Variants in PRKCA observed in about 807,000 individuals in gnomAD.
PRKCA encodes protein kinase C alpha type.
PRKCA carries 27 observed loss-of-function variants against 87.0 expected under a neutral mutation model. The observed-to-expected ratio is 0.31, with a 90% CI of 0.23 to 0.43. The LOEUF (loss-of-function observed/expected upper bound fraction) is 0.43. PRKCA is among the 20% of genes least tolerant of loss of function. The pLI, the probability that PRKCA is intolerant of heterozygous loss-of-function variation, is 1.00. For missense variants in PRKCA, 518 were observed against 852.3 expected (o/e 0.61, Z 4.88); for synonymous variants, 329 against 311.1 (o/e 1.06, Z -0.61).
chr17:66,338,340 C>T (rs1012124972), intron 2 of PRKCA, among the ~76,000 whole-genome samples: 1 of 152,072 alleles, frequency 6.6e-6, no homozygotes, highest in African/African-American at 2.4e-5. Context: ...CCTCTTTTGA[C>T]TTACTGTGCA....
chr17:66,373,168 GT>G (rs1168218501), intron 2 of PRKCA, among the ~76,000 whole-genome samples: 1 of 152,156 alleles, frequency 6.6e-6, no homozygotes, highest in Non-Finnish European at 1.5e-5. Context: ...ATGAAAAGAT[GT>G]TTGATAATCA....
intron 4 of PRKCA, 74 bp downstream of exon 4, chr17:66,641,540 C>T: frequency 9.2e-7 from 1 of 1,082,018 alleles, no homozygotes; most frequent in Non-Finnish European, 1.4e-6. Flanking sequence ...GCAAGGAAGG[C>T]TCAGTAACTT....
intron 2 of PRKCA, among the ~76,000 whole-genome samples, chr17:66,468,180 G>A (rs1048144674): frequency 6.6e-6 from 1 of 152,224 alleles, no homozygotes; most frequent in Non-Finnish European, 1.5e-5. Context: ...TTAAAGAAAT[G>A]AAAACTACAG....
chr17:66,684,671 A>AT (rs1469324872), intron 5 of PRKCA, among the ~76,000 whole-genome samples: 2 of 152,084 alleles, frequency 1.3e-5, no homozygotes, highest in Non-Finnish European at 2.9e-5. Flanking sequence ...TACTTAAATG[A>AT]TTTTTTTTGT....
chr17:66,673,409 A>G (rs1404313605), intron 5 of PRKCA, among the ~76,000 whole-genome samples: 1 of 152,200 alleles, frequency 6.6e-6, no homozygotes, highest in Non-Finnish European at 1.5e-5. Flanking sequence ...GGTTCCAAAT[A>G]AGAAAATGGT....
chr17:66,705,519 T>C (rs1482024614), intron 8 of PRKCA, among the ~76,000 whole-genome samples: 2 of 152,262 alleles, frequency 1.3e-5, no homozygotes, highest in Non-Finnish European at 2.9e-5. Flanking sequence ...ATTCTAGTTG[T>C]CTGTCTAATG....
At chr17:66,480,566 C>T (rs187730766) in intron 2 of PRKCA, among the ~76,000 whole-genome samples, 1 of 152,238 alleles carries the variant, frequency 6.6e-6, no homozygotes, top group Admixed American at 6.5e-5. Flanking sequence ...TTAAAAATTG[C>T]CACTGCATTA....
chr17:66,777,086 C>T, intron 14 of PRKCA: 4 of 356,936 alleles, frequency 1.1e-5, no homozygotes, highest in Non-Finnish European at 1.6e-5. Flanking sequence ...CTGGCTGCGA[C>T]CAATTATTAT....
chr17:66,614,291 G>T (rs1385812189), intron 3 of PRKCA, among the ~76,000 whole-genome samples: 1 of 152,072 alleles, frequency 6.6e-6, no homozygotes. Flanking sequence ...ACAAGATAAC[G>T]ACATCTCACA....
chr17:66,413,117 T>C (rs551735988), intron 2 of PRKCA, among the ~76,000 whole-genome samples: 2 of 152,322 alleles, frequency 1.3e-5, no homozygotes, highest in Non-Finnish European at 2.9e-5. Flanking sequence ...ACTGCTTCTC[T>C]CCTCAGATGC....
chr17:66,735,564 G>A lies in PRKCA; in HGVS notation c.1132G>A (p.Asp378Asn), dbSNP rs1417568507. 16 of 1,614,180 alleles carry A rather than the reference G, an allele frequency of 9.9e-6. No individual in the cohort carries two copies. The highest frequency in any genetic ancestry group is 1.3e-5 in the Non-Finnish European group (15 of 1,180,036). ...CCTGAAGAAGGATGTGGTGATTCAG[G>A]ATGATGACGTGGAGTGCACCATGGT... ...KILKKDVVIQ[D>N]DDVECTMVEK... The change falls in exon 10 of 17, where the codon GAT (aspartate) becomes AAT (asparagine). Residue 378 changes from aspartate (D) to asparagine (N), a missense_variant. Around this residue, in one of 5 missense-constraint regions of PRKCA, gnomAD observed 300 missense variants for 496.8 expected, o/e 0.60. Coordinates refer to ENST00000413366, the MANE Select transcript of PRKCA (RefSeq NM_002737.3).
intron 2 of PRKCA, among the ~76,000 whole-genome samples, chr17:66,371,403 A>G (rs551196036): frequency 7.7e-4 from 117 of 152,160 alleles, no homozygotes; most frequent in Non-Finnish European, 1.2e-3. Flanking sequence ...GACTCATTCA[A>G]AATGATCTTC....
At chr17:66,371,136 C>T (rs1909084453) in intron 2 of PRKCA, among the ~76,000 whole-genome samples, 1 of 152,180 alleles carries the variant, frequency 6.6e-6, no homozygotes, top group African/African-American at 2.4e-5. Flanking sequence ...CAAGTTCCCC[C>T]ATCTTTGGCC....
At chr17:66,462,721 C>A (rs910453068) in intron 2 of PRKCA, among the ~76,000 whole-genome samples, 3 of 152,104 alleles carry the variant, frequency 2.0e-5, no homozygotes, top group Non-Finnish European at 4.4e-5. Context: ...AACACGAACA[C>A]CCCTACCTCC....
chr17:66,662,314 A>T (rs1428239015), intron 5 of PRKCA, among the ~76,000 whole-genome samples: 2 of 152,198 alleles, frequency 1.3e-5, no homozygotes, highest in Non-Finnish European at 2.9e-5. Flanking sequence ...CATCCTGTGC[A>T]CAGACCTTGA....
At chr17:66,518,254 A>T (rs1967035708) in intron 3 of PRKCA, among the ~76,000 whole-genome samples, 1 of 152,196 alleles carries the variant, frequency 6.6e-6, no homozygotes, top group Non-Finnish European at 1.5e-5. Flanking sequence ...GAGGTTGATG[A>T]TGAGCACAGT....
At chr17:66,319,210 A>G (rs1306043845) in intron 2 of PRKCA, among the ~76,000 whole-genome samples, 1 of 152,148 alleles carries the variant, frequency 6.6e-6, no homozygotes, top group South Asian at 2.1e-4. Flanking sequence ...TTGTGGAAGG[A>G]TAATTTAGAG....
At chr17:66,700,402 G>T (rs907782080) in intron 8 of PRKCA, among the ~76,000 whole-genome samples, 3 of 152,138 alleles carry the variant, frequency 2.0e-5, no homozygotes, top group Non-Finnish European at 4.4e-5. Context: ...ACAAAATGAG[G>T]ATGCCCATTC....
At chr17:66,757,764 C>T (rs1169827502) in intron 13 of PRKCA, among the ~76,000 whole-genome samples, 4 of 151,988 alleles carry the variant, frequency 2.6e-5, no homozygotes, top group African/African-American at 9.7e-5. Flanking sequence ...TTGCTCTGTC[C>T]CCCAGGCTGG....
Sources: gnomAD v4.1 joint callset for allele counts (sites outside exome capture counted in the v4.1 genomes callset) on GRCh38, gnomAD v4.1.1 for gene constraint, gnomAD v4.1.1 regional missense constraint, MANE v1.5 for transcripts, NCBI Gene and HGNC (gene_info 2026-07-23, HGNC 2026-07-21) for gene names.